RALYL: variants seen among roughly 807,000 people sequenced by gnomAD.
The protein encoded by RALYL is RNA-binding Raly-like protein.
A neutral mutation model predicts 35.1 loss-of-function variants in RALYL; 29 were observed. The observed-to-expected ratio is 0.83, with a 90% CI of 0.61 to 1.13. RALYL has a LOEUF of 1.13. RALYL is among the 50% of genes most tolerant of loss of function. The pLI, the probability that RALYL is intolerant of heterozygous loss-of-function variation, is 0.00. For synonymous variants in RALYL, 120 were observed against 127.6 expected, an observed-to-expected ratio of 0.94 and a Z score of 0.40; for missense variants, 359 against 360.4, an observed-to-expected ratio of 1.00 and a Z score of 0.03.
Position 84,639,152 on chromosome 8 carries a change from C to G in RALYL, c.256+109575C>G, listed in dbSNP as rs752716279. On this transcript the variant is annotated intron_variant, in intron 2 of 8. Coordinates refer to ENST00000521268, the MANE Select transcript of RALYL (RefSeq NM_173848.7). Reference sequence around the variant, plus strand: ...GTGGTCTTTTCTCGGGAGAAACTTACTGGAATTAATATTTTATTTAATTAA... The same window carrying G: ...GTGGTCTTTTCTCGGGAGAAACTTAGTGGAATTAATATTTTATTTAATTAA... 5.9e-4 allele frequency among the ~76,000 whole-genome samples: 89 copies of G among 151,156 alleles called. 2 individuals carry two copies. The highest frequency in any genetic ancestry group is 1.3e-4 in the Non-Finnish European group (9 of 67,814).
intron 1 of RALYL, among the ~76,000 whole-genome samples, chr8:84,213,419 A>AT (rs1375103963): frequency 6.6e-6 from 1 of 152,174 alleles, no homozygotes; most frequent in East Asian, 1.9e-4. Flanking sequence ...AAATGAATAA[A>AT]TTTTTAAAAA....
intron 2 of RALYL, among the ~76,000 whole-genome samples, chr8:84,546,847 C>T (rs577473097): frequency 2.6e-4 from 39 of 152,206 alleles, no homozygotes; most frequent in African/African-American, 8.7e-4. Context: ...AATAATTGTG[C>T]TTTCTTACTC....
rs150083259 is a variant in RALYL at position 84,842,706 on chromosome 8, G to A, written c.366-7274G>A. ...ACCAATATCCTTGATGAACATCAAT[G>A]CAAAAATCCTCAGTAAAATACTGAC... On this transcript the variant is annotated intron_variant, in intron 4 of 8. Transcript: ENST00000521268. Among the ~76,000 whole-genome samples, 48 of 152,270 alleles carry A rather than the reference G, an allele frequency of 3.2e-4. No homozygotes were observed. The East Asian group carries it at 5.8e-3, about 18-fold the overall frequency.
chr8:84,524,405 C>T (rs2058718732), intron 1 of RALYL, among the ~76,000 whole-genome samples: 1 of 152,114 alleles, frequency 6.6e-6, no homozygotes, highest in Admixed American at 6.5e-5. Flanking sequence ...AAAGAGATAC[C>T]ATCTCACACC....
intron 1 of RALYL, among the ~76,000 whole-genome samples, chr8:84,338,967 A>G (rs1027935851): frequency 6.6e-6 from 1 of 152,104 alleles, no homozygotes; most frequent in Admixed American, 6.6e-5. Context: ...CCTATTTTAT[A>G]AAGGCATAAA....
rs2045900042 is a variant in RALYL at position 84,423,257 on chromosome 8, GGATA to G, written c.-23-106040_-23-106037del. On this transcript the variant is annotated intron_variant, in intron 1 of 8. Transcript: ENST00000521268. ...CCTGCATTGGGTGCATATATATTTA[GGATA>G]GTTAGCTCTTCTTGTTGAATTGATC... 2.6e-5 allele frequency among the ~76,000 whole-genome samples: 4 copies of G among 151,706 alleles called. No individual in the cohort carries two copies. The South Asian group carries it at 8.3e-4, about 32-fold the overall frequency.
intron 1 of RALYL, among the ~76,000 whole-genome samples, chr8:84,387,070 T>G (rs1166291884): frequency 1.3e-5 from 2 of 151,870 alleles, no homozygotes; most frequent in African/African-American, 2.4e-5. Context: ...TTCCATTGTC[T>G]ATAAAATAAA....
chr8:84,509,908 T>C (rs1587869140), intron 1 of RALYL, among the ~76,000 whole-genome samples: 1 of 152,206 alleles, frequency 6.6e-6, no homozygotes, highest in South Asian at 2.1e-4. Context: ...CCAGTCTTTA[T>C]TACTGTAGCT....
At chr8:84,875,211 G>T (rs1208535901) in intron 7 of RALYL, among the ~76,000 whole-genome samples, 1 of 152,004 alleles carries the variant, frequency 6.6e-6, no homozygotes, top group Non-Finnish European at 1.5e-5. Flanking sequence ...GAGGAACTCT[G>T]TAAAATTCAT....
chr8:84,449,034 T>A (rs891841588), intron 1 of RALYL, among the ~76,000 whole-genome samples: 5 of 151,754 alleles, frequency 3.3e-5, no homozygotes, highest in African/African-American at 1.2e-4. Context: ...GGAATGTGAG[T>A]ATTAAGCTTG....
chr8:84,400,078 T>C (rs1563853822), intron 1 of RALYL, among the ~76,000 whole-genome samples: 1 of 152,030 alleles, frequency 6.6e-6, no homozygotes, highest in African/African-American at 2.4e-5. Flanking sequence ...ATCGTGCCAC[T>C]GCACTTCAGC....
chr8:84,270,651 C>T (rs187262882), intron 1 of RALYL, among the ~76,000 whole-genome samples: 1 of 152,070 alleles, frequency 6.6e-6, no homozygotes, highest in East Asian at 1.9e-4. Context: ...CTAAGGATGA[C>T]ACTGTGACAC....
chr8:84,383,434 A>T (rs1858438190), intron 1 of RALYL, among the ~76,000 whole-genome samples: 1 of 151,736 alleles, frequency 6.6e-6, no homozygotes. Context: ...GGCTTGAGAA[A>T]GGAAAGATCA....
At chr8:84,833,303 CT>C (rs536473507) in intron 4 of RALYL, among the ~76,000 whole-genome samples, 5 of 152,006 alleles carry the variant, frequency 3.3e-5, no homozygotes, top group African/African-American at 4.8e-5. Context: ...AATTATTACC[CT>C]TTTTTTATAG....
rs1037142463 is a variant in RALYL at position 84,469,001 on chromosome 8, C to T, written c.-23-60298C>T. Among the ~76,000 whole-genome samples, 51 of 151,692 alleles carry T rather than the reference C, an allele frequency of 3.4e-4. No homozygotes were observed. In the East Asian group the frequency reaches 8.4e-3, roughly 25 times the overall value. On this transcript the variant is annotated intron_variant, in intron 1 of 8. Transcript: ENST00000521268. ...CCTTGGTTTTCAGCTCCATCAGCTC[C>T]TTTAAGCACTTCTCTGTATTGGTTA...
intron 1 of RALYL, among the ~76,000 whole-genome samples, chr8:84,286,364 C>T (rs545586853): frequency 2.0e-5 from 3 of 152,258 alleles, no homozygotes; most frequent in Admixed American, 2.0e-4. Flanking sequence ...ATCTTTTATT[C>T]ATGTGGGTAC....
intron 2 of RALYL, among the ~76,000 whole-genome samples, chr8:84,676,895 C>T (rs1355321208): frequency 3.9e-5 from 6 of 152,074 alleles, no homozygotes; most frequent in Middle Eastern, 3.2e-3. Flanking sequence ...CTCTGCCTCC[C>T]GGGTTCAAGC....
At chr8:84,504,374 T>C (rs767864788) in intron 1 of RALYL, among the ~76,000 whole-genome samples, 1 of 152,120 alleles carries the variant, frequency 6.6e-6, no homozygotes, top group Non-Finnish European at 1.5e-5. Flanking sequence ...TTCGTGGAAC[T>C]GTGAAATGCT....
At chr8:84,430,418 A>T (rs1477922348) in intron 1 of RALYL, among the ~76,000 whole-genome samples, 7 of 152,138 alleles carry the variant, frequency 4.6e-5, no homozygotes. Flanking sequence ...TCTGTTGTTA[A>T]GTTCAAATAC....
Sources: gnomAD v4.1 joint callset for allele counts (sites outside exome capture counted in the v4.1 genomes callset) on GRCh38, gnomAD v4.1.1 for gene constraint, MANE v1.5 for transcripts, NCBI Gene and HGNC (gene_info 2026-07-23, HGNC 2026-07-21) for gene names.